IGSF10: variants seen among roughly 807,000 people sequenced by gnomAD.
The protein encoded by IGSF10 is immunoglobulin superfamily member 10.
Under a neutral mutation model 128.2 loss-of-function variants are expected in IGSF10, and 126 were observed. The observed-to-expected ratio is 0.98, with a 90% CI of 0.85 to 1.14. The LOEUF (loss-of-function observed/expected upper bound fraction) is 1.14, where lower values mean the gene tolerates loss of function less well. IGSF10 is among the 50% of genes most tolerant of loss of function. IGSF10 has a pLI of 0.00. For missense variants in IGSF10, 3,295 were observed against 3,149.8 expected (o/e 1.05, Z -1.10); for synonymous variants, 1,185 against 1,146.2 (o/e 1.03, Z -0.68).
chr3:151,552,958 T>C, the IGSF10 span, among the ~76,000 whole-genome samples: 1 of 152,212 alleles, frequency 6.6e-6, no homozygotes, highest in African/African-American at 2.4e-5. Flanking sequence ...GGCTCATCCA[T>C]GTCTATGAAT....
the IGSF10 span, chr3:151,475,733 A>G: frequency 6.6e-6 from 1 of 152,160 alleles, no homozygotes; most frequent in Non-Finnish European, 1.5e-5. Flanking sequence ...CTTGATTCAT[A>G]AATCTTTTTT....
At chr3:151,543,367 T>C in the IGSF10 span, among the ~76,000 whole-genome samples, 1 of 152,142 alleles carries the variant, frequency 6.6e-6, no homozygotes, top group Non-Finnish European at 1.5e-5. Flanking sequence ...TCCACCTTTA[T>C]CTTGGATGTC....
chr3:151,432,833 T>A (rs749921486), downstream of IGSF10: 6 of 1,586,774 alleles, frequency 3.8e-6, no homozygotes, highest in Admixed American at 1.7e-5. Context: ...CATGACGTTT[T>A]ATGTTTGCAC....
chr3:151,450,623 G>A (rs1054636329), intron 5 of IGSF10, among the ~76,000 whole-genome samples: 23 of 151,934 alleles, frequency 1.5e-4, no homozygotes, highest in Non-Finnish European at 2.8e-4. Flanking sequence ...CTGGCTGGCC[G>A]CAATCGCTCA....
the IGSF10 span, among the ~76,000 whole-genome samples, chr3:151,470,875 A>G: frequency 6.6e-6 from 1 of 152,184 alleles, no homozygotes. Context: ...ATTTTTCAGT[A>G]AGCAGACTAA....
upstream of IGSF10, among the ~76,000 whole-genome samples, chr3:151,463,271 G>A (rs1014628999): frequency 1.3e-5 from 2 of 152,044 alleles, no homozygotes; most frequent in African/African-American, 4.8e-5. Context: ...ACCAATTCTA[G>A]TTCCATTTGC....
chr3:151,525,930 A>G, the IGSF10 span, among the ~76,000 whole-genome samples: 1 of 152,148 alleles, frequency 6.6e-6, no homozygotes, highest in African/African-American at 2.4e-5. Flanking sequence ...ATCATAGTCA[A>G]TTCTCACCCA....
At chr3:151,450,945 C>A (rs940172572) in intron 5 of IGSF10, among the ~76,000 whole-genome samples, 1 of 150,664 alleles carries the variant, frequency 6.6e-6, no homozygotes, top group Non-Finnish European at 1.5e-5. Flanking sequence ...ACCCACTTGC[C>A]AACAAGCTGT....
At chr3:151,501,875 C>T in the IGSF10 span, among the ~76,000 whole-genome samples, 1 of 151,972 alleles carries the variant, frequency 6.6e-6, no homozygotes, top group East Asian at 1.9e-4. Context: ...CTCTTTTGTT[C>T]TTGCCAGTAA....
the IGSF10 span, among the ~76,000 whole-genome samples, chr3:151,532,999 T>C: frequency 3.9e-5 from 6 of 151,946 alleles, no homozygotes; most frequent in Non-Finnish European, 8.8e-5. Flanking sequence ...GCAAAAATCA[T>C]AAGCATTCCT....
At chr3:151,479,495 A>G in the IGSF10 span, among the ~76,000 whole-genome samples, 1 of 152,182 alleles carries the variant, frequency 6.6e-6, no homozygotes, top group Non-Finnish European at 1.5e-5. Flanking sequence ...GAGTCAAGAC[A>G]GCCCTGACTA....
chr3:151,447,897 C>T lies in IGSF10; in HGVS notation c.2084G>A (p.Gly695Asp), dbSNP rs764891568. 3 of 1,614,058 alleles carry T rather than the reference C, an allele frequency of 1.9e-6. No homozygotes were observed. The highest frequency in any genetic ancestry group is 2.5e-6 in the Non-Finnish European group (3 of 1,179,998). Residue 695 changes from glycine to aspartate, a missense_variant, in exon 6 of 8, where the codon GGT becomes GAT. By Grantham distance (94) the Gly-to-Asp change is moderately conservative. Coordinates refer to ENST00000282466, the MANE Select transcript of IGSF10 (RefSeq NM_178822.5). ...NPIAHLKEPP[G>D]AQLRTSALME... ...CAGAGCAGATGTACGGAGTTGTGCACCTGGTGGCTCCTTAAGATGAGCAAT... is the reference window on the plus strand; with the variant it reads ...CAGAGCAGATGTACGGAGTTGTGCATCTGGTGGCTCCTTAAGATGAGCAAT...
chr3:151,509,620 A>G, the IGSF10 span, among the ~76,000 whole-genome samples: 49,481 of 152,124 alleles, frequency 0.33, 8,791 homozygotes, highest in Middle Eastern at 0.45. Context: ...GGAGTGCCGG[A>G]CAGTGTGTGC....
chr3:151,437,266 G>A lies in IGSF10; in HGVS notation c.7295C>T (p.Pro2432Leu), dbSNP rs767186809. The change falls in exon 8 of 8, where the codon CCA becomes CTA. Residue 2432 changes from proline to leucine, a missense_variant. Physicochemically the swap from Pro to Leu is moderately conservative, Grantham distance 98 (BLOSUM62 -3). Coordinates refer to ENST00000282466, the MANE Select transcript of IGSF10 (RefSeq NM_178822.5). ...KLVILEIGQK[P>L]VILTYAPGTV... ...CCCTGGTGCATAGGTAAGAATAACT[G>A]GCTTCTGGCCAATTTCTAATATGAC... The A allele has an allele frequency of 7.4e-6, 12 of 1,614,014 alleles. No individual in the cohort carries two copies. Among genetic ancestry groups the A allele is most frequent in the African/African-American group, 1.3e-5 (1 of 74,920 alleles).
chr3:151,566,680 C>T, the IGSF10 span, among the ~76,000 whole-genome samples: 1 of 152,208 alleles, frequency 6.6e-6, no homozygotes. Context: ...CCACCAACCA[C>T]TGGGAGCCAT....
the IGSF10 span, among the ~76,000 whole-genome samples, chr3:151,471,037 A>C: frequency 6.6e-6 from 1 of 152,114 alleles, no homozygotes; most frequent in Non-Finnish European, 1.5e-5. Flanking sequence ...TCCCCACCGA[A>C]ATCGCACCTT....
chr3:151,443,879 C>T lies in IGSF10; in HGVS notation c.5068G>A (p.Asp1690Asn). The change falls in exon 7 of 8, where the codon GAT becomes AAT. Residue 1690 changes from aspartate to asparagine, a missense_variant. Asp to Asn is a conservative substitution (Grantham distance 23). Transcript: ENST00000282466. ...CTATTCTGTTTCCTCTTAGATAAAT[C>T]AAGTCCTGAGAAGAAAAAAAGAAAA... ...IHWTRVPSGL[D>N]LSKRKQNSRV... The T allele has an allele frequency of 6.3e-7, 1 of 1,584,740 alleles. No individual in the cohort carries two copies. Among genetic ancestry groups the T allele is most frequent in the African/African-American group, 1.4e-5 (1 of 73,832 alleles).
rs76292851 is a variant in IGSF10, at chr3:151,448,903, T to A, written c.1078A>T (p.Thr360Ser). The change falls in exon 6 of 8, where the codon ACA becomes TCA. Residue 360 changes from threonine (T) to serine (S), a missense_variant. Transcript: ENST00000282466. Reference sequence around the variant, plus strand: ...TAATCTATGTTGCACACCAAAAATGTTGAAAATGAAGTATTTAGCACGATG... The same window carrying A: ...TAATCTATGTTGCACACCAAAAATGATGAAAATGAAGTATTTAGCACGATG... ...DYIVLNTSFS[T>S]FLVCNIDYGH... is the part of the protein sequence containing the mutation. 1.2e-6 allele frequency: 2 copies of A among 1,614,244 alleles called. No homozygotes were observed. Among genetic ancestry groups the A allele is most frequent in the Admixed American group, 3.3e-5 (2 of 60,026 alleles).
Position 151,453,508 on chromosome 3 carries a change from C to T in IGSF10, c.591G>A (p.Leu197=), listed in dbSNP as rs1206196261. The T allele has an allele frequency of 1.2e-5, 20 of 1,613,914 alleles. No individual in the cohort carries two copies. The highest frequency in any genetic ancestry group is 1.7e-5 in the Non-Finnish European group (20 of 1,179,976). The part of the protein sequence containing the change: ...IKFLYLSDNF[L]TSLPQEMVSY... ...AGACCATCTCTTGAGGGAGGGAGGT[C>T]AGGAAGTTATCAGACAAGTATAGGA... The change falls in exon 5 of 8, where the codon CTG becomes CTA. Residue 197 remains leucine (L), a synonymous_variant. Transcript: ENST00000282466.
Sources: allele counts gnomAD v4.1 joint callset (sites outside exome capture counted in the v4.1 genomes callset), GRCh38; gene constraint gnomAD v4.1.1; transcripts MANE v1.5; gene names NCBI Gene and HGNC (gene_info 2026-07-23, HGNC 2026-07-21).